NLRC4: variants seen among roughly 807,000 people sequenced by gnomAD.
NLRC4 encodes NLR family CARD domain-containing protein 4.
Under a neutral mutation model 79.9 loss-of-function variants are expected in NLRC4, and 63 were observed. The observed-to-expected ratio is 0.79, with a 90% CI of 0.64 to 0.97. The LOEUF (loss-of-function observed/expected upper bound fraction) is 0.97, where lower values mean the gene tolerates loss of function less well. Ranked by LOEUF, NLRC4 falls within the 50% of genes least tolerant of loss-of-function variation. The pLI, the probability that NLRC4 is intolerant of heterozygous loss-of-function variation, is 0.00. For synonymous variants in NLRC4, 461 were observed against 456.5 expected (o/e 1.01, Z -0.12); for missense variants, 1,074 against 1,215.2 (o/e 0.88, Z 1.73).
intron 8 of NLRC4, among the ~76,000 whole-genome samples, chr2:32,231,580 G>GGC (rs201191122): frequency 1.3e-4 from 14 of 106,580 alleles, no homozygotes; most frequent in Non-Finnish European, 2.6e-4. Context: ...TTTGTGGGGG[G>GGC]GGGGTGGGGG....
At chr2:32,241,244 A>ATAGAC in intron 4 of NLRC4, 119 bp from the exon 5 acceptor site, 1 of 664,664 alleles carries the variant, frequency 1.5e-6, no homozygotes, top group Non-Finnish European at 2.6e-6. Flanking sequence ...ATGAGCCAAA[A>ATAGAC]ATGCTCATGA....
At chr2:32,233,589 C>A (rs1426562257) in intron 8 of NLRC4, among the ~76,000 whole-genome samples, 3 of 151,790 alleles carry the variant, frequency 2.0e-5, no homozygotes, top group Non-Finnish European at 4.4e-5. Flanking sequence ...TGTATAGTTT[C>A]CAAAGTTCCT....
intron 6 of NLRC4, 88 bp downstream of exon 6, chr2:32,238,044 C>G: frequency 3.5e-6 from 3 of 845,072 alleles, no homozygotes; most frequent in Non-Finnish European, 3.4e-6. Flanking sequence ...AATTAAATTT[C>G]CATTTGAGAC....
intron 1 of NLRC4, among the ~76,000 whole-genome samples, chr2:32,261,117 C>T (rs887468225): frequency 1.0e-4 from 15 of 150,254 alleles, no homozygotes; most frequent in African/African-American, 2.0e-4. Flanking sequence ...GGCGTGAACC[C>T]GGGGGGCGGA....
Position 32,250,363 on chromosome 2 carries a change from C to T in NLRC4, c.1501G>A (p.Ala501Thr). The change falls in exon 4 of 9, where the codon GCC becomes ACC. Residue 501 changes from alanine to threonine, a missense_variant. Ala to Thr is a moderately conservative substitution (Grantham distance 58, BLOSUM62 0). Coordinates refer to ENST00000402280, the MANE Select transcript of NLRC4 (RefSeq NM_001199138.2). This position sits in a 1 kb window ranked among gnomAD's most constrained non-coding sequence, Gnocchi z 4.9. Reference protein sequence around the residue: ...LRYTCGSSVEATRAVMKHLAA... With the variant: ...LRYTCGSSVETTRAVMKHLAA... ...AGGTGCTTCATAACAGCCCTGGTGG[C>T]TTCCACAGATGACCCACAGGTGTAC... is the stretch of plus-strand genomic sequence containing the variant. 1 of 1,614,196 alleles carries T rather than the reference C, an allele frequency of 6.2e-7. No homozygotes were observed. The highest frequency in any genetic ancestry group is 8.5e-7 in the Non-Finnish European group (1 of 1,180,042).
intron 2 of NLRC4, among the ~76,000 whole-genome samples, 175 bp from the exon 3 acceptor site, chr2:32,252,854 T>C (rs1365878959): frequency 2.6e-5 from 4 of 151,894 alleles, no homozygotes; most frequent in Admixed American, 2.6e-4. Context: ...CTGTCTCTAC[T>C]AAAAATACAA....
At chr2:32,226,097 A>G (rs1686387911) in intron 8 of NLRC4, among the ~76,000 whole-genome samples, 1 of 152,202 alleles carries the variant, frequency 6.6e-6, no homozygotes, top group African/African-American at 2.4e-5. Flanking sequence ...TTAGCAAGCA[A>G]AGACTAAAAG....
At chr2:32,247,697 G>A (rs1686970354) in intron 4 of NLRC4, among the ~76,000 whole-genome samples, 1 of 151,788 alleles carries the variant, frequency 6.6e-6, no homozygotes, top group Admixed American at 6.6e-5. Flanking sequence ...TTTCCAATCA[G>A]ACTACAGCTC....
chr2:32,233,349 A>ATATATATTTTTT (rs1418146489), intron 8 of NLRC4, among the ~76,000 whole-genome samples: 2 of 41,102 alleles, frequency 4.9e-5, no homozygotes, highest in African/African-American at 1.9e-4. Context: ...ATATATATAT[A>ATATATATTTTTT]TTTTTTTTTT....
chr2:32,235,709 G>GT (rs1686657489), intron 7 of NLRC4, 141 bp from the exon 8 acceptor site: 3 of 695,224 alleles, frequency 4.3e-6, no homozygotes, highest in Non-Finnish European at 6.9e-6. Flanking sequence ...CTTAATTTTT[G>GT]GTTTTTTTTT....
rs867161760 is a variant in NLRC4 at position 32,247,305 on chromosome 2, A to T, written c.2257+2302T>A. Among the ~76,000 whole-genome samples the T allele has an allele frequency of 6.1e-3, 890 of 146,732 alleles. 10 individuals carry two copies. Among genetic ancestry groups the T allele is most frequent in the African/African-American group, 0.021 (834 of 40,032 alleles). Reference sequence around the variant, plus strand: ...ACAAGCTTAACCTGCGTATATATTTATTTTTTTTAATTTTTTTTTTTTTTT... The same window carrying T: ...ACAAGCTTAACCTGCGTATATATTTTTTTTTTTTAATTTTTTTTTTTTTTT... On this transcript the variant is annotated intron_variant, in intron 4 of 8. Coordinates refer to ENST00000402280, the MANE Select transcript of NLRC4 (RefSeq NM_001199138.2).
chr2:32,231,907 GA>G (rs1686547728), intron 8 of NLRC4, among the ~76,000 whole-genome samples: 1 of 152,132 alleles, frequency 6.6e-6, no homozygotes, highest in Non-Finnish European at 1.5e-5. Context: ...ACTCATCCAG[GA>G]TAGGACATTA....
chr2:32,246,666 T>G lies in NLRC4; in HGVS notation c.2257+2941A>C, dbSNP rs1047947028. On this transcript the variant is annotated intron_variant, in intron 4 of 8. Transcript: ENST00000402280. ...TTCTCCTTTAGTGTTATTTGGAATT[T>G]GGGGAAGTATCCCCGTTACCCAGAA... Among the ~76,000 whole-genome samples, 4 of 152,370 alleles carry G rather than the reference T, an allele frequency of 2.6e-5. No homozygotes were observed. In the East Asian group the frequency reaches 5.8e-4, roughly 22 times the overall value.
Position 32,250,429 on chromosome 2 carries a change from A to T in NLRC4, c.1435T>A (p.Ser479Thr). Residue 479 changes from serine to threonine, a missense_variant, in exon 4 of 9, where the codon TCC (serine) becomes ACC (threonine). Coordinates refer to ENST00000402280, the MANE Select transcript of NLRC4 (RefSeq NM_001199138.2). This position sits in a 1 kb window ranked among gnomAD's most constrained non-coding sequence, Gnocchi z 4.9. ...TAAGTGGATGTAATGTCCGAAATGGAAACCATTTTCTGCAAGTAACCATTC... is the reference window on the plus strand; with the variant it reads ...TAAGTGGATGTAATGTCCGAAATGGTAACCATTTTCTGCAAGTAACCATTC... The part of the protein sequence containing the change: ...KGNGYLQKMV[S>T]ISDITSTYSS... 6.2e-7 allele frequency: 1 copy of T among 1,614,184 alleles called. No homozygotes were observed. Among genetic ancestry groups the T allele is most frequent in the Non-Finnish European group, 8.5e-7 (1 of 1,180,018 alleles).
chr2:32,230,903 C>T (rs1417624251), intron 8 of NLRC4, among the ~76,000 whole-genome samples: 2 of 152,152 alleles, frequency 1.3e-5, no homozygotes, highest in African/African-American at 4.8e-5. Flanking sequence ...ATGAATTTCT[C>T]CGTATCCTTG....
At chr2:32,245,697 T>C (rs530827285) in intron 4 of NLRC4, among the ~76,000 whole-genome samples, 1 of 152,308 alleles carries the variant, frequency 6.6e-6, no homozygotes, top group Non-Finnish European at 1.5e-5. Flanking sequence ...TATTACACAT[T>C]GCATGCCTGG....
chr2:32,244,887 A>AAGG (rs889233369), intron 4 of NLRC4, among the ~76,000 whole-genome samples: 16 of 151,030 alleles, frequency 1.1e-4, no homozygotes, highest in African/African-American at 2.4e-4. Context: ...GGAGAGGAAG[A>AAGG]AGGAGGAGGA....
At chr2:32,260,463 G>GCTTGC in intron 1 of NLRC4, among the ~76,000 whole-genome samples, 1 of 152,214 alleles carries the variant, frequency 6.6e-6, no homozygotes. Context: ...CACAGCCATG[G>GCTTGC]CAAGTTTGCT....
At position 32,241,134 on chromosome 2, in the gene NLRC4, A is replaced by G; in HGVS notation, c.2258-9T>C. On this transcript the variant is annotated splice_polypyrimidine_tract_variant and intron_variant, in intron 4 of 8. Transcript: ENST00000402280. ...GCTGTCAGTCAGACCACCTGTCAAA[A>G]GAAAAAAGATTGGACTCTTTCAGCA... 1 of 1,556,220 alleles carries G rather than the reference A, an allele frequency of 6.4e-7. No homozygotes were observed. Among genetic ancestry groups the G allele is most frequent in the South Asian group, 1.1e-5 (1 of 88,358 alleles).
Sources: allele counts gnomAD v4.1 joint callset (sites outside exome capture counted in the v4.1 genomes callset), GRCh38; gene constraint gnomAD v4.1.1; non-coding constraint Gnocchi (gnomAD v3.1); transcripts MANE v1.5; gene names NCBI Gene and HGNC (gene_info 2026-07-23, HGNC 2026-07-21).